Variants in FBXW11 observed in about 807,000 individuals in gnomAD.
FBXW11 encodes F-box and WD repeat domain containing 11, also known as F-box/WD repeat-containing protein 11.
Under a neutral mutation model 77.6 loss-of-function variants are expected in FBXW11, and 19 were observed. The observed-to-expected ratio is 0.24, with a 90% CI of 0.17 to 0.36. FBXW11 has a LOEUF of 0.36. Among genes scored for constraint, FBXW11 ranks in the 10% least tolerant of loss-of-function variants. FBXW11 has a pLI of 1.00. For synonymous variants in FBXW11, 235 were observed against 249.4 expected (o/e 0.94, Z 0.54); for missense variants, 334 against 704.2 (o/e 0.47, Z 5.95).
At chr5:171,894,836 C>G (rs2113859417) in intron 6 of FBXW11, among the ~76,000 whole-genome samples, 1 of 152,212 alleles carries the variant, frequency 6.6e-6, no homozygotes, top group Non-Finnish European at 1.5e-5. Context: ...TCCCTCAAAA[C>G]CACTGTAAGG....
chr5:171,973,947 A>G (rs1283449420), intron 1 of FBXW11, among the ~76,000 whole-genome samples: 10 of 152,212 alleles, frequency 6.6e-5, no homozygotes, highest in Non-Finnish European at 1.5e-4. Context: ...AATGATATAT[A>G]TGTGTGTGTA....
chr5:171,874,932 T>C (rs1757981652), intron 9 of FBXW11, among the ~76,000 whole-genome samples: 1 of 151,136 alleles, frequency 6.6e-6, no homozygotes. Context: ...GGTGACAGAG[T>C]GAGACCCTGT....
At position 171,870,901 on chromosome 5, in the gene FBXW11, C is replaced by T. The variant is rs192066145; in HGVS notation, c.1341-43G>A. 7.7e-3 allele frequency: 10,579 copies of T among 1,378,286 alleles called. 61 individuals are homozygous for T. The highest frequency in any genetic ancestry group is 9.0e-3 in the Non-Finnish European group (8,686 of 967,414). The allele number at this position is 1,378,286 out of a possible 1,614,324, so 85.4% of individuals were successfully genotyped here. ...CCTCTGTGAAACAAATTCCCACACA[C>T]GATTCACACTATCCGTAAGTTTTTT... On this transcript the variant is annotated intron_variant, in intron 10 of 13. Transcript: ENST00000517395.
At chr5:171,927,058 G>C (rs1039218028) in intron 2 of FBXW11, among the ~76,000 whole-genome samples, 7 of 152,098 alleles carry the variant, frequency 4.6e-5, no homozygotes, top group African/African-American at 1.7e-4. Flanking sequence ...AGATCTAAGT[G>C]TAAAAGACAA....
chr5:171,925,762 G>C (rs1043267473), intron 2 of FBXW11, among the ~76,000 whole-genome samples: 2 of 152,174 alleles, frequency 1.3e-5, no homozygotes, highest in Non-Finnish European at 2.9e-5. Flanking sequence ...TGATTTTCCA[G>C]TCATGTAGTG....
At chr5:171,952,203 A>G (rs1483162723) in intron 2 of FBXW11, among the ~76,000 whole-genome samples, 2 of 151,460 alleles carry the variant, frequency 1.3e-5, no homozygotes, top group Non-Finnish European at 2.9e-5. Flanking sequence ...AATTTGATGG[A>G]TTCCTCCCTA....
intron 1 of FBXW11, among the ~76,000 whole-genome samples, chr5:171,969,770 C>T (rs1260209423): frequency 1.3e-5 from 2 of 152,140 alleles, no homozygotes; most frequent in African/African-American, 4.8e-5. Context: ...GGCATGATTT[C>T]GGCTCACTGC....
intron 1 of FBXW11, among the ~76,000 whole-genome samples, chr5:171,976,625 C>T (rs1269756381): frequency 6.6e-6 from 1 of 152,140 alleles, no homozygotes; most frequent in African/African-American, 2.4e-5. Flanking sequence ...CAAGTTCAAT[C>T]TCTTGCTCTA....
At chr5:171,917,279 G>A (rs985193416) in intron 2 of FBXW11, among the ~76,000 whole-genome samples, 1 of 152,150 alleles carries the variant, frequency 6.6e-6, no homozygotes, top group Non-Finnish European at 1.5e-5. Context: ...GAATCCTCCA[G>A]AGCTATTGTG....
At chr5:171,931,848 CCTCCCTCCCTCCCT>C (rs1402144887) in intron 2 of FBXW11, among the ~76,000 whole-genome samples, 3 of 11,786 alleles carry the variant, frequency 2.5e-4, no homozygotes, top group East Asian at 9.4e-3. Flanking sequence ...TCCCTCCCTC[CCTCCCTCCCTCCCT>C]CTCTCTCTCT....
chr5:171,888,104 G>T (rs1393438277), intron 7 of FBXW11, among the ~76,000 whole-genome samples: 1 of 152,146 alleles, frequency 6.6e-6, no homozygotes, highest in Non-Finnish European at 1.5e-5. Flanking sequence ...ATCCCTGGGG[G>T]TTTCTTTTCT....
chr5:171,898,046 A>C (rs1476680670), intron 6 of FBXW11, among the ~76,000 whole-genome samples: 2 of 152,238 alleles, frequency 1.3e-5, no homozygotes, highest in Non-Finnish European at 1.5e-5. Context: ...CAGAGAGCAG[A>C]ATATTCAAGA....
Position 171,928,589 on chromosome 5 carries a change from C to T in FBXW11, c.148-14184G>A, listed in dbSNP as rs10039480. Among the ~76,000 whole-genome samples the T allele has an allele frequency of 9.3e-3, 1,422 of 152,290 alleles. 26 individuals carry two copies. Among genetic ancestry groups the T allele is most frequent in the African/African-American group, 0.033 (1,354 of 41,556 alleles). On this transcript the variant is annotated intron_variant, in intron 2 of 13. Coordinates refer to ENST00000517395, the MANE Select transcript of FBXW11 (RefSeq NM_001378974.1). ...ACGGGACAGAATGGAAGATTGTAAT[C>T]GGTGCATTTCAAGCATTTGACAATA...
At chr5:171,998,796 CAAA>C (rs34476350) in intron 1 of FBXW11, among the ~76,000 whole-genome samples, 4 of 60,014 alleles carry the variant, frequency 6.7e-5, no homozygotes, top group Admixed American at 2.0e-4. Flanking sequence ...GACTCCGTCT[CAAA>C]AAAAAAAAAA....
chr5:171,987,813 C>T (rs1358990452), intron 1 of FBXW11, among the ~76,000 whole-genome samples: 1 of 152,128 alleles, frequency 6.6e-6, no homozygotes, highest in Non-Finnish European at 1.5e-5. Flanking sequence ...TCCTACAACA[C>T]TGTTTGTCTA....
At chr5:171,887,449 T>C (rs1758987742) in intron 7 of FBXW11, among the ~76,000 whole-genome samples, 2 of 149,304 alleles carry the variant, frequency 1.3e-5, no homozygotes, top group African/African-American at 4.9e-5. Context: ...AATAGAACAA[T>C]AACAGAAAAC....
intron 1 of FBXW11, among the ~76,000 whole-genome samples, chr5:171,979,542 G>T (rs560241421): frequency 6.6e-6 from 1 of 151,834 alleles, no homozygotes; most frequent in African/African-American, 2.4e-5. Context: ...GTAAAAAAAG[G>T]TAAGTTCCTA....
In FBXW11 at chr5:171,978,515, T is replaced by C. The variant is rs538478128; in HGVS notation, c.46-20817A>G. Among the ~76,000 whole-genome samples, 5 of 152,198 alleles carry C rather than the reference T, an allele frequency of 3.3e-5. No homozygotes were observed. The East Asian group carries it at 7.7e-4, about 24-fold the overall frequency. ...CCCACCTCAAAGCAGCAAAGGCTAG[T>C]AGTAGGAGTGAGAGTCCTTGAAGCT... is the stretch of plus-strand genomic sequence containing the variant. On this transcript the variant is annotated intron_variant, in intron 1 of 13. Transcript: ENST00000517395.
At chr5:171,941,173 TC>T (rs1762735131) in intron 2 of FBXW11, among the ~76,000 whole-genome samples, 1 of 152,176 alleles carries the variant, frequency 6.6e-6, no homozygotes, top group Admixed American at 6.5e-5. Context: ...ACTCAAGTGA[TC>T]TAAGTGATCA....
Sources: allele counts gnomAD v4.1 joint callset (sites outside exome capture counted in the v4.1 genomes callset), GRCh38; gene constraint gnomAD v4.1.1; transcripts MANE v1.5; gene names NCBI Gene and HGNC (gene_info 2026-07-23, HGNC 2026-07-21).